Variants in BMPER observed in about 807,000 individuals in gnomAD.
The protein encoded by BMPER is BMP binding endothelial regulator, also known as BMP-binding endothelial regulator protein.
BMPER carries 45 observed loss-of-function variants against 87.3 expected under a neutral mutation model. The ratio of observed to expected loss-of-function variants is 0.52; its 90% confidence interval spans 0.41 to 0.66. The LOEUF (loss-of-function observed/expected upper bound fraction) is 0.66. BMPER is among the 30% of genes least tolerant of loss of function. The pLI is 0.00. For missense variants in BMPER, 784 were observed against 867.5 expected, an observed-to-expected ratio of 0.90 and a Z score of 1.21; for synonymous variants, 326 against 316.2, an observed-to-expected ratio of 1.03 and a Z score of -0.33.
intron 6 of BMPER, among the ~76,000 whole-genome samples, chr7:34,028,018 A>G (rs1480370813): frequency 1.3e-5 from 2 of 152,108 alleles, no homozygotes; most frequent in Non-Finnish European, 2.9e-5. Context: ...ACATTTTAAT[A>G]TAGCAGAGAA....
At chr7:33,952,653 A>C (rs1252345201) in intron 3 of BMPER, among the ~76,000 whole-genome samples, 1 of 152,210 alleles carries the variant, frequency 6.6e-6, no homozygotes, top group African/African-American at 2.4e-5. Flanking sequence ...AAGATGCATG[A>C]GTGTGCAGGC....
chr7:33,913,535 A>G (rs1261901092), intron 2 of BMPER, among the ~76,000 whole-genome samples: 1 of 152,206 alleles, frequency 6.6e-6, no homozygotes, highest in Non-Finnish European at 1.5e-5. Flanking sequence ...GGTGGGCAGT[A>G]GGAATGGAAA....
At chr7:34,030,595 G>A (rs1366982128) in intron 6 of BMPER, among the ~76,000 whole-genome samples, 1 of 151,982 alleles carries the variant, frequency 6.6e-6, no homozygotes, top group Non-Finnish European at 1.5e-5. Flanking sequence ...TTTAGAAGAT[G>A]CTGCAGGAGA....
At chr7:33,974,821 G>A (rs1465310570) in intron 6 of BMPER, 37 bp downstream of exon 6, 1 of 1,594,410 alleles carries the variant, frequency 6.3e-7, no homozygotes, top group Non-Finnish European at 8.6e-7. Flanking sequence ...GGTGTCCTTT[G>A]GGCAAAGCAC....
At chr7:33,911,414 G>A (rs1212641159) in intron 2 of BMPER, among the ~76,000 whole-genome samples, 6 of 152,200 alleles carry the variant, frequency 3.9e-5, no homozygotes, top group South Asian at 4.1e-4. Context: ...TGCTGGAAAC[G>A]TTTACTACTT....
intron 6 of BMPER, among the ~76,000 whole-genome samples, chr7:34,010,263 A>G (rs1405936500): frequency 6.6e-6 from 1 of 151,804 alleles, no homozygotes; most frequent in African/African-American, 2.4e-5. Flanking sequence ...CTTCCTCTAT[A>G]TGTAGTTTGA....
chr7:34,030,350 C>T (rs1004794710), intron 6 of BMPER, among the ~76,000 whole-genome samples: 10 of 151,968 alleles, frequency 6.6e-5, no homozygotes, highest in African/African-American at 2.4e-4. Flanking sequence ...TATATCACAC[C>T]AGAATATGTT....
chr7:34,081,053 C>T (rs376744332), intron 12 of BMPER, among the ~76,000 whole-genome samples: 5 of 152,106 alleles, frequency 3.3e-5, no homozygotes, highest in African/African-American at 1.2e-4. Flanking sequence ...GAACTCAATA[C>T]CCAGCTGAAC....
intron 6 of BMPER, among the ~76,000 whole-genome samples, chr7:33,987,896 G>A (rs1276562005): frequency 6.6e-6 from 1 of 152,064 alleles, no homozygotes; most frequent in African/African-American, 2.4e-5. Context: ...ATTCTCTTTA[G>A]GCAAAAGGAG....
chr7:34,046,932 T>A (rs532054958), intron 7 of BMPER, among the ~76,000 whole-genome samples: 4 of 151,862 alleles, frequency 2.6e-5, no homozygotes, highest in East Asian at 1.9e-4. Context: ...CTTTATTTTT[T>A]TTTTTTTCTC....
chr7:34,086,464 A>G (rs11983640), intron 13 of BMPER, among the ~76,000 whole-genome samples: 2,621 of 152,272 alleles, frequency 0.017, 88 homozygotes, highest in African/African-American at 0.06. Context: ...GTTCCCCTAA[A>G]CGGAATCTCA....
chr7:34,153,171 T>C lies in BMPER; in HGVS notation c.1956T>C (p.Ile652=), dbSNP rs147146443. 33 of 1,613,898 alleles carry C rather than the reference T, an allele frequency of 2.0e-5. No homozygotes were observed. The highest frequency in any genetic ancestry group is 2.8e-5 in the Non-Finnish European group (33 of 1,179,924). ...CIKTCDNWNE[I]GPCNKPCVAG... is the part of the protein sequence containing the mutation. ...AGACGTGTGACAACTGGAATGAAATTGGTCCATGCAACAAGCCGTGCGTTG... is the reference window on the plus strand; with the variant it reads ...AGACGTGTGACAACTGGAATGAAATCGGTCCATGCAACAAGCCGTGCGTTG... Residue 652 remains isoleucine, a synonymous_variant, in exon 15 of 15, where the codon ATT becomes ATC. Coordinates refer to ENST00000649409, the MANE Select transcript of BMPER (RefSeq NM_001365308.1).
intron 6 of BMPER, among the ~76,000 whole-genome samples, chr7:34,011,365 A>G (rs1035844581): frequency 1.3e-5 from 2 of 151,788 alleles, no homozygotes; most frequent in Non-Finnish European, 2.9e-5. Context: ...ATAATGCTGT[A>G]TCTTTAAGAA....
At chr7:33,921,510 A>G (rs937053557) in intron 2 of BMPER, among the ~76,000 whole-genome samples, 1 of 152,212 alleles carries the variant, frequency 6.6e-6, no homozygotes, top group African/African-American at 2.4e-5. Flanking sequence ...ACCTAACCAC[A>G]AGGGTTGAGA....
intron 6 of BMPER, among the ~76,000 whole-genome samples, chr7:34,002,437 A>G (rs1298778666): frequency 6.6e-6 from 1 of 151,816 alleles, no homozygotes; most frequent in Non-Finnish European, 1.5e-5. Flanking sequence ...GAAGTTTGGT[A>G]GGTTGTATTA....
chr7:33,942,493 T>C (rs1784792822), intron 3 of BMPER, among the ~76,000 whole-genome samples: 1 of 152,216 alleles, frequency 6.6e-6, no homozygotes, highest in Non-Finnish European at 1.5e-5. Context: ...CTTCCAGGCC[T>C]GCTGTATCAG....
At chr7:33,921,012 T>G (rs1784217575) in intron 2 of BMPER, among the ~76,000 whole-genome samples, 1 of 152,174 alleles carries the variant, frequency 6.6e-6, no homozygotes, top group Admixed American at 6.5e-5. Flanking sequence ...CCTATTCATG[T>G]CATCTTTATC....
chr7:34,024,344 C>T (rs571158100), intron 6 of BMPER, among the ~76,000 whole-genome samples: 13 of 82,330 alleles, frequency 1.6e-4, no homozygotes, highest in East Asian at 1.1e-3. Flanking sequence ...GGTGACAGAG[C>T]GAAACTCTGT....
At chr7:34,019,196 G>A (rs994220870) in intron 6 of BMPER, among the ~76,000 whole-genome samples, 2 of 152,152 alleles carry the variant, frequency 1.3e-5, no homozygotes, top group Admixed American at 6.5e-5. Flanking sequence ...AACTGAAAGA[G>A]AACATTCCTT....
Sources: gnomAD v4.1 joint callset for allele counts (sites outside exome capture counted in the v4.1 genomes callset) on GRCh38, gnomAD v4.1.1 for gene constraint, MANE v1.5 for transcripts, NCBI Gene and HGNC (gene_info 2026-07-23, HGNC 2026-07-21) for gene names.